Variants in IZUMO2 observed in about 807,000 individuals in gnomAD.
The protein encoded by IZUMO2 is IZUMO family member 2.
A neutral mutation model predicts 31.2 loss-of-function variants in IZUMO2; 24 were observed. The observed-to-expected ratio is 0.77, with a 90% CI of 0.56 to 1.08. The LOEUF is 1.08. Among genes scored for constraint, IZUMO2 ranks in the 50% least tolerant of loss-of-function variants. The pLI is 0.00. For missense variants in IZUMO2, 278 were observed against 274.0 expected (o/e 1.01, Z -0.10); for synonymous variants, 144 against 117.3 (o/e 1.23, Z -1.47).
chr19:50,157,636 GT>G (rs1600813343), intron 5 of IZUMO2, among the ~76,000 whole-genome samples: 1 of 140,800 alleles, frequency 7.1e-6, no homozygotes, highest in East Asian at 2.4e-4. Context: ...ATGAGAATAC[GT>G]TTTTTAGGCT....
chr19:50,161,916 C>A (rs568364587), intron 2 of IZUMO2, among the ~76,000 whole-genome samples: 23 of 152,218 alleles, frequency 1.5e-4, no homozygotes, highest in African/African-American at 5.1e-4. Context: ...CCGCTCCCCC[C>A]CAAAAAAATT....
At chr19:50,160,836 T>C (rs1230438020) in intron 2 of IZUMO2, 1 of 152,184 alleles carries the variant, frequency 6.6e-6, no homozygotes, top group African/African-American at 2.4e-5. Flanking sequence ...GACATTCTAT[T>C]TCTATTGGAT....
intron 2 of IZUMO2, among the ~76,000 whole-genome samples, chr19:50,161,147 G>A (rs368398031): frequency 2.9e-5 from 4 of 136,728 alleles, no homozygotes; most frequent in Admixed American, 7.4e-5. Context: ...TTTTTGAGAC[G>A]TAGTTTTGCT....
At position 50,154,710 on chromosome 19, in the gene IZUMO2, G is replaced by C; in HGVS notation, c.513C>G (p.Arg171=). 1.9e-6 allele frequency: 3 copies of C among 1,613,862 alleles called. No homozygotes were observed. Among genetic ancestry groups the C allele is most frequent in the Non-Finnish European group, 2.5e-6 (3 of 1,179,950 alleles). The change falls in exon 6 of 7, where the codon CGC becomes CGG. Residue 171 remains arginine (R), a synonymous_variant. Coordinates refer to ENST00000293405, the MANE Select transcript of IZUMO2 (RefSeq NM_152358.3). The stretch of plus-strand genomic sequence containing the variant: ...TGTCCATCTGGTACTGCAGGGCCAC[G>C]CGGGGTTGCCGGTCGACTGGGGCGG... ...KKYCFVDRQP[R]VALQYQMDSK...
At chr19:50,159,305 A>G (rs1342310402) in intron 3 of IZUMO2, 55 bp from the exon 4 acceptor site, 1 of 1,583,998 alleles carries the variant, frequency 6.3e-7, no homozygotes, top group Non-Finnish European at 8.6e-7. Context: ...TTGATAATTT[A>G]ATTGGAAAGG....
At chr19:50,152,718 A>C (rs909556074) in intron 6 of IZUMO2, 67 bp from the exon 7 acceptor site, 1 of 1,311,208 alleles carries the variant, frequency 7.6e-7, no homozygotes, top group Admixed American at 1.7e-5. Flanking sequence ...CAAGAGACCC[A>C]TAACTTCCCT....
chr19:50,154,760 C>T (rs755917414), intron 5 of IZUMO2, 34 bp from the exon 6 acceptor site: 132 of 1,609,360 alleles, frequency 8.2e-5, no homozygotes, highest in Non-Finnish European at 9.3e-5. Flanking sequence ...CCGACCTCCA[C>T]GTCACCACCC....
intron 6 of IZUMO2, 59 bp downstream of exon 6, chr19:50,154,541 A>G (rs763081741): frequency 1.6e-4 from 259 of 1,598,478 alleles, no homozygotes; most frequent in Non-Finnish European, 2.2e-4. Context: ...GGGAGTCGCC[A>G]TTTTTGAGGG....
At chr19:50,158,990 GTTTA>G (rs2030305275) in intron 4 of IZUMO2, among the ~76,000 whole-genome samples, 1 of 152,100 alleles carries the variant, frequency 6.6e-6, no homozygotes, top group South Asian at 2.1e-4. Flanking sequence ...AGATGTGAGG[GTTTA>G]TTTGTTAATA....
intron 5 of IZUMO2, 42 bp downstream of exon 5, chr19:50,158,226 T>C (rs372663049): frequency 1.7e-5 from 23 of 1,334,686 alleles, no homozygotes; most frequent in Non-Finnish European, 2.2e-5. Flanking sequence ...CTTCATCTCT[T>C]GCACGCCTGT....
chr19:50,161,066 T>C (rs530033141), intron 2 of IZUMO2, among the ~76,000 whole-genome samples: 1 of 152,248 alleles, frequency 6.6e-6, no homozygotes, highest in African/African-American at 2.4e-5. Flanking sequence ...AGATGTGTCA[T>C]GATTCTAATT....
intron 6 of IZUMO2, among the ~76,000 whole-genome samples, chr19:50,154,297 T>A (rs1600811194): frequency 4.2e-4 from 38 of 91,354 alleles, no homozygotes; most frequent in Admixed American, 5.0e-4. Context: ...TTTTTTTTTT[T>A]AATGTAAGAA....
At chr19:50,155,048 T>C (rs1051982590) in intron 5 of IZUMO2, among the ~76,000 whole-genome samples, 2 of 152,120 alleles carry the variant, frequency 1.3e-5, no homozygotes, top group African/African-American at 4.8e-5. Flanking sequence ...TCTAAAAGCA[T>C]TTCATTTGAT....
At chr19:50,159,272 G>A (rs117949749) in intron 3 of IZUMO2, 22 bp from the exon 4 acceptor site, 40,429 of 1,609,146 alleles carry the variant, frequency 0.025, 657 homozygotes, top group Middle Eastern at 0.043. Flanking sequence ...AATTGCTGAG[G>A]TGAGTTAAAT....
Position 50,163,264 on chromosome 19 carries a change from A to G in IZUMO2, c.-70T>C. On this transcript the variant is annotated 5_prime_UTR_variant, in exon 1 of 7. Transcript: ENST00000293405. The stretch of plus-strand genomic sequence containing the variant: ...CCTCCCAGGCGAGGGCGCGGTCAGG[A>G]GGCCCAGGGAGCATCACGGTGTTAC... 1 of 1,131,888 alleles carries G rather than the reference A, an allele frequency of 8.8e-7. No homozygotes were observed. The allele number at this position is 1,131,888 out of a possible 1,614,324, so 70.1% of individuals were successfully genotyped here.
chr19:50,161,852 G>C (rs912764108), intron 2 of IZUMO2, among the ~76,000 whole-genome samples: 1 of 151,808 alleles, frequency 6.6e-6, no homozygotes, highest in Non-Finnish European at 1.5e-5. Flanking sequence ...ATATTTTATC[G>C]GGCAATAAAG....
In IZUMO2 at chr19:50,159,241, G is replaced by C. The variant is rs2030315346; in HGVS notation, c.404C>G (p.Pro135Arg). 1 of 1,611,234 alleles carries C rather than the reference G, an allele frequency of 6.2e-7. No individual in the cohort carries two copies. The highest frequency in any genetic ancestry group is 8.5e-7 in the Non-Finnish European group (1 of 1,179,330). Reference protein sequence around the residue: ...LISYELKACNPKLCRLLKEEV... With the variant: ...LISYELKACNRKLCRLLKEEV... ...GATCCAGAACTCACGGCAAAGTTTG[G>C]GGTTGCAGGCTGCAAGAGAAAATTG... The change falls in exon 4 of 7, where the codon CCC becomes CGC. Residue 135 changes from proline (P) to arginine (R), a missense_variant. By Grantham distance (103) the Pro-to-Arg change is moderately radical. Coordinates refer to ENST00000293405, the MANE Select transcript of IZUMO2 (RefSeq NM_152358.3).
intron 2 of IZUMO2, among the ~76,000 whole-genome samples, chr19:50,161,455 T>C (rs752602680): frequency 5.9e-5 from 9 of 152,134 alleles, no homozygotes; most frequent in Non-Finnish European, 1.2e-4. Flanking sequence ...CCTGTGCAAT[T>C]CGTCAGCATG....
intron 6 of IZUMO2, among the ~76,000 whole-genome samples, chr19:50,154,362 G>C (rs146538122): frequency 7.1e-6 from 1 of 140,560 alleles, no homozygotes; most frequent in South Asian, 2.4e-4. Flanking sequence ...ATGTGGCCCA[G>C]AGGTGGAGAA....
Sources: allele counts gnomAD v4.1 joint callset (sites outside exome capture counted in the v4.1 genomes callset), GRCh38; gene constraint gnomAD v4.1.1; transcripts MANE v1.5; gene names NCBI Gene and HGNC (gene_info 2026-07-23, HGNC 2026-07-21).